The following ZNF277 variants were observed in gnomAD, a reference collection of about 807,000 sequenced individuals.
ZNF277 encodes the protein nuclear receptor-interacting factor 4.
Under a neutral mutation model 60.7 loss-of-function variants are expected in ZNF277, and 55 were observed. The ratio of observed to expected loss-of-function variants is 0.91; its 90% CI spans 0.73 to 1.13. The LOEUF (loss-of-function observed/expected upper bound fraction) is 1.13. Among genes scored for constraint, ZNF277 ranks in the 50% most tolerant of loss-of-function variants. The probability of loss-of-function intolerance (pLI) is 0.00; values close to 1 mark genes in which losing one functional copy is unlikely to be tolerated. For missense variants in ZNF277, 510 were observed against 523.0 expected (o/e 0.98, Z 0.24); for synonymous variants, 178 against 179.3 (o/e 0.99, Z 0.06).
chr7:112,339,953 C>T, intron 10 of ZNF277, 68 bp downstream of exon 10: 8 of 1,423,520 alleles, frequency 5.6e-6, no homozygotes, highest in South Asian at 2.3e-5. Flanking sequence ...TAAGCTATGC[C>T]TATGTTCAGT....
chr7:112,233,253 G>A (rs747609108), intron 1 of ZNF277, among the ~76,000 whole-genome samples: 1 of 152,182 alleles, frequency 6.6e-6, no homozygotes, highest in South Asian at 2.1e-4. Flanking sequence ...ACTTGGATGA[G>A]ATTAGACATG....
chr7:112,245,185 A>G (rs1454624268), intron 1 of ZNF277, among the ~76,000 whole-genome samples: 1 of 152,100 alleles, frequency 6.6e-6, no homozygotes, highest in Admixed American at 6.6e-5. Flanking sequence ...TGGCTCATGG[A>G]CCTTCAAGTC....
chr7:112,316,804 A>G (rs1349894288), intron 4 of ZNF277, among the ~76,000 whole-genome samples: 1 of 152,094 alleles, frequency 6.6e-6, no homozygotes, highest in Non-Finnish European at 1.5e-5. Context: ...GTTACTGTGT[A>G]TATACCCAAA....
intron 1 of ZNF277, among the ~76,000 whole-genome samples, chr7:112,283,314 G>T (rs1286126384): frequency 2.0e-5 from 3 of 152,206 alleles, no homozygotes; most frequent in Non-Finnish European, 2.9e-5. Context: ...GCTCACTTAA[G>T]GTCAGGAATT....
At chr7:112,294,225 G>A (rs1563218668) in intron 2 of ZNF277, among the ~76,000 whole-genome samples, 1 of 152,166 alleles carries the variant, frequency 6.6e-6, no homozygotes. Context: ...CAACTAGTGA[G>A]GAATGGAAAG....
chr7:112,337,791 G>A lies in ZNF277; in HGVS notation c.931G>A (p.Ala311Thr). 1 of 1,612,346 alleles carries A rather than the reference G, an allele frequency of 6.2e-7. No individual in the cohort carries two copies. The highest frequency in any genetic ancestry group is 8.5e-7 in the Non-Finnish European group (1 of 1,179,464). ...SAVCLFCEKQ[A>T]ETIEKLYVHM... Reference sequence around the variant, plus strand: ...AGTCTGCTTATTTTGTGAAAAGCAAGCAGAAACAATTGAGAAGTTGTATGT... The same window carrying A: ...AGTCTGCTTATTTTGTGAAAAGCAAACAGAAACAATTGAGAAGTTGTATGT... Residue 311 changes from alanine to threonine, a missense_variant, in exon 9 of 12, where the codon GCA becomes ACA. Ala to Thr is a moderately conservative substitution (Grantham distance 58). Transcript: ENST00000361822.
At position 112,206,736 on chromosome 7, in the gene ZNF277, AG is replaced by A. The variant is rs1224566916; in HGVS notation, c.25del (p.Ala9LeufsTer19). The A allele has an allele frequency of 3.7e-6, 6 of 1,613,272 alleles. No homozygotes were observed. The highest frequency in any genetic ancestry group is 1.7e-5 in the Admixed American group (1 of 59,922). On this transcript the variant is annotated frameshift_variant, in exon 1 of 12. Coordinates refer to ENST00000361822, the MANE Select transcript of ZNF277 (RefSeq NM_021994.3). LOFTEE classifies it high-confidence loss of function. ...CGGGTAATGGCTGCTTCCAAGACCC[AG>A]GGGGCTGTCGCCCGAATGCAGGAAG... MAASKTQGAVARMQEDR... is the reference protein window; with the variant it reads MAASKTXGAVARMQEDR...
chr7:112,256,007 A>G (rs552410996), intron 1 of ZNF277, among the ~76,000 whole-genome samples: 3 of 152,174 alleles, frequency 2.0e-5, no homozygotes, highest in Non-Finnish European at 4.4e-5. Context: ...GCCATGTATT[A>G]TCATTGCTTG....
chr7:112,289,109 G>A (rs1046202340), intron 2 of ZNF277: 19 of 152,108 alleles, frequency 1.2e-4, no homozygotes, highest in Admixed American at 6.5e-4. Flanking sequence ...TGCAGCTATC[G>A]TTTGAGTTTT....
intron 4 of ZNF277, among the ~76,000 whole-genome samples, chr7:112,303,095 T>A (rs1792515739): frequency 6.6e-6 from 1 of 151,486 alleles, no homozygotes; most frequent in African/African-American, 2.4e-5. Context: ...GGATCACAGG[T>A]GTATGCCACC....
At chr7:112,266,484 C>T (rs1791553631) in intron 1 of ZNF277, among the ~76,000 whole-genome samples, 1 of 152,066 alleles carries the variant, frequency 6.6e-6, no homozygotes, top group Non-Finnish European at 1.5e-5. Flanking sequence ...TAGTTACTGT[C>T]TGGCCATCAG....
chr7:112,310,011 C>G (rs962579381), intron 4 of ZNF277, among the ~76,000 whole-genome samples: 1 of 152,040 alleles, frequency 6.6e-6, no homozygotes, highest in Non-Finnish European at 1.5e-5. Context: ...TAACCATACC[C>G]AGACTAATCC....
At chr7:112,339,721 A>G (rs1793406399) in intron 9 of ZNF277, 122 bp from the exon 10 acceptor site, 1 of 918,086 alleles carries the variant, frequency 1.1e-6, no homozygotes, top group Non-Finnish European at 1.7e-6. Context: ...TCAAAAGCAG[A>G]AGATACCGAA....
chr7:112,221,136 A>G (rs911232499), intron 1 of ZNF277, among the ~76,000 whole-genome samples: 1 of 152,180 alleles, frequency 6.6e-6, no homozygotes, highest in East Asian at 1.9e-4. Flanking sequence ...CGAGGTGCCC[A>G]TTGCCGCTCC....
intron 4 of ZNF277, among the ~76,000 whole-genome samples, chr7:112,303,340 T>A (rs1792522020): frequency 6.6e-6 from 1 of 152,100 alleles, no homozygotes; most frequent in African/African-American, 2.4e-5. Flanking sequence ...ATAATAATAT[T>A]CTGTTTTCAT....
intron 4 of ZNF277, among the ~76,000 whole-genome samples, chr7:112,302,415 A>G (rs1792496999): frequency 6.6e-6 from 1 of 152,098 alleles, no homozygotes; most frequent in African/African-American, 2.4e-5. Flanking sequence ...AAATCAATTT[A>G]TATTTATACT....
intron 5 of ZNF277, among the ~76,000 whole-genome samples, chr7:112,326,743 G>T (rs1420185475): frequency 6.6e-6 from 1 of 151,458 alleles, no homozygotes; most frequent in Admixed American, 6.6e-5. Context: ...ATTTTTTTGG[G>T]GGGGGACCAG....
chr7:112,224,859 G>T (rs757873747), intron 1 of ZNF277, among the ~76,000 whole-genome samples: 2 of 152,132 alleles, frequency 1.3e-5, no homozygotes, highest in African/African-American at 2.4e-5. Flanking sequence ...AAAATTTAGG[G>T]CTGGGTGTGG....
intron 4 of ZNF277, among the ~76,000 whole-genome samples, chr7:112,303,776 CA>C (rs1792532836): frequency 6.6e-6 from 1 of 152,060 alleles, no homozygotes; most frequent in Non-Finnish European, 1.5e-5. Flanking sequence ...AAATTCGTCT[CA>C]TTTTTTTATC....
Sources: allele counts gnomAD v4.1 joint callset (sites outside exome capture counted in the v4.1 genomes callset), GRCh38; gene constraint gnomAD v4.1.1; transcripts MANE v1.5; gene names NCBI Gene and HGNC (gene_info 2026-07-23, HGNC 2026-07-21).